LYST: variants seen among roughly 807,000 people sequenced by gnomAD.
LYST encodes the protein lysosomal trafficking regulator, also known as lysosomal-trafficking regulator.
In LYST, 192 loss-of-function variants were observed where a neutral mutation model predicts 413.6. The observed-to-expected ratio is 0.46, with a 90% CI of 0.41 to 0.52. LYST has a LOEUF of 0.52. Among genes scored for constraint, LYST ranks in the 20% least tolerant of loss-of-function variants. The pLI is 0.00. For synonymous variants in LYST, 1,525 were observed against 1,567.3 expected (o/e 0.97, Z 0.64); for missense variants, 3,815 against 4,499.9 (o/e 0.85, Z 4.35).
chr1:235,789,845 C>T (rs1209790563), intron 12 of LYST, among the ~76,000 whole-genome samples: 1 of 152,030 alleles, frequency 6.6e-6, no homozygotes. Flanking sequence ...TAGGACAAAA[C>T]CAGTGTGTAC....
intron 38 of LYST, 77 bp downstream of exon 38, chr1:235,727,999 T>A: frequency 9.7e-7 from 1 of 1,034,742 alleles, no homozygotes; most frequent in South Asian, 1.3e-5. Flanking sequence ...TTCTTCCTTC[T>A]CTCTAGTTAT....
At chr1:235,876,624 G>A (rs1255756552) in intron 1 of LYST, among the ~76,000 whole-genome samples, 1 of 152,204 alleles carries the variant, frequency 6.6e-6, no homozygotes, top group Non-Finnish European at 1.5e-5. Context: ...GTTCCTGGCA[G>A]ATCGGAATAT....
intron 2 of LYST, among the ~76,000 whole-genome samples, chr1:235,830,771 T>C (rs901152379): frequency 2.0e-5 from 3 of 152,204 alleles, no homozygotes; most frequent in Admixed American, 6.5e-5. Context: ...GTTCTTGCTT[T>C]ATATATTTTA....
At chr1:235,748,340 C>A (rs145890993) in intron 28 of LYST, among the ~76,000 whole-genome samples, 30 of 152,046 alleles carry the variant, frequency 2.0e-4, no homozygotes, top group African/African-American at 7.0e-4. Context: ...TAAAAAAATA[C>A]ATTTAAAAGT....
Position 235,854,760 on chromosome 1 carries a change from T to A in LYST, c.-98+12083A>T, listed in dbSNP as rs1202569964. 6.6e-6 allele frequency among the ~76,000 whole-genome samples: 1 copy of A among 152,186 alleles called. No homozygotes were observed. Among genetic ancestry groups the A allele is most frequent in the African/African-American group, 2.4e-5 (1 of 41,440 alleles). Reference sequence around the variant, plus strand: ...ATCATCATCACCTTGAATCTGGTCCTTCCCCCTAATCTTACACCTAAGCAT... The same window carrying A: ...ATCATCATCACCTTGAATCTGGTCCATCCCCCTAATCTTACACCTAAGCAT... On this transcript the variant is annotated intron_variant, in intron 1 of 52. Coordinates refer to ENST00000389793, the MANE Select transcript of LYST (RefSeq NM_000081.4). This position sits in a 1 kb window ranked among gnomAD's most constrained non-coding sequence, Gnocchi z 4.1.
At chr1:235,820,375 CTT>C (rs1176878134) in intron 3 of LYST, among the ~76,000 whole-genome samples, 4 of 145,208 alleles carry the variant, frequency 2.8e-5, no homozygotes, top group Non-Finnish European at 1.5e-5. Flanking sequence ...TCTTTTCTTT[CTT>C]TTTTTTTTTT....
intron 34 of LYST, among the ~76,000 whole-genome samples, chr1:235,732,392 T>G (rs930994593): frequency 7.2e-5 from 11 of 152,154 alleles, no homozygotes; most frequent in African/African-American, 2.7e-4. Context: ...AGCCTTGAAC[T>G]CCTGGGCTCA....
intron 2 of LYST, among the ~76,000 whole-genome samples, chr1:235,830,719 C>A (rs934761611): frequency 1.3e-5 from 2 of 152,042 alleles, no homozygotes; most frequent in African/African-American, 4.8e-5. Context: ...AGAAGACTTT[C>A]TTTCTTAAAT....
chr1:235,735,330 A>G (rs1033865254), intron 31 of LYST: 1 of 152,156 alleles, frequency 6.6e-6, no homozygotes, highest in Non-Finnish European at 1.5e-5. Flanking sequence ...ACTACTCCCT[A>G]GAACAAAAGG....
At chr1:235,845,767 C>T (rs1209064203) in intron 1 of LYST, among the ~76,000 whole-genome samples, 1 of 152,018 alleles carries the variant, frequency 6.6e-6, no homozygotes, top group Non-Finnish European at 1.5e-5. Flanking sequence ...AGCCATAATC[C>T]TCCTAAGTAC....
At chr1:235,762,175 G>A (rs551828726) in intron 22 of LYST, among the ~76,000 whole-genome samples, 1 of 152,250 alleles carries the variant, frequency 6.6e-6, no homozygotes, top group African/African-American at 2.4e-5. Flanking sequence ...ATGGAGCCAT[G>A]ATTGTACAGT....
intron 38 of LYST, among the ~76,000 whole-genome samples, chr1:235,727,068 T>G: frequency 6.6e-6 from 1 of 152,294 alleles, no homozygotes; most frequent in African/African-American, 2.4e-5. Flanking sequence ...ATGACTTTTT[T>G]TTTACATTTA....
In LYST at chr1:235,842,610, G is replaced by A. The variant is rs112475265; in HGVS notation, c.-97-8943C>T. On this transcript the variant is annotated intron_variant, in intron 1 of 52. Transcript: ENST00000389793. ...TCTACTCATTTGCCGAATGAATGGC[G>A]TGGCCTCTCTCTCAGGATTTTCATT... Among the ~76,000 whole-genome samples the A allele has an allele frequency of 5.5e-3, 830 of 152,268 alleles. 16 individuals are homozygous for A. The highest frequency in any genetic ancestry group is 0.018 in the African/African-American group (733 of 41,552).
chr1:235,746,260 C>T (rs192832341), intron 29 of LYST, 76 bp downstream of exon 29: 1 of 1,342,404 alleles, frequency 7.4e-7, no homozygotes, highest in East Asian at 2.3e-5. Flanking sequence ...CATCTGAAAA[C>T]CAACCAGTTT....
chr1:235,853,679 C>T (rs1004660839), intron 1 of LYST, among the ~76,000 whole-genome samples: 9 of 152,120 alleles, frequency 5.9e-5, no homozygotes, highest in African/African-American at 1.7e-4. Flanking sequence ...CATGCCATTC[C>T]GGCTGCCTTG....
intron 19 of LYST, 97 bp downstream of exon 19, chr1:235,773,745 C>A: frequency 2.2e-6 from 2 of 920,146 alleles, no homozygotes; most frequent in Non-Finnish European, 3.5e-6. Flanking sequence ...GCACTTAATG[C>A]CACTGAACTG....
chr1:235,771,035 T>C (rs906272468), intron 19 of LYST, among the ~76,000 whole-genome samples: 1 of 152,198 alleles, frequency 6.6e-6, no homozygotes, highest in African/African-American at 2.4e-5. Flanking sequence ...TGGCTTGGGT[T>C]GCAGAGCCTA....
chr1:235,858,928 C>A (rs1679535517), intron 1 of LYST, among the ~76,000 whole-genome samples: 1 of 152,146 alleles, frequency 6.6e-6, no homozygotes, highest in African/African-American at 2.4e-5. Flanking sequence ...GGCCTCTGTA[C>A]ATTTGTGATT....
intron 19 of LYST, among the ~76,000 whole-genome samples, chr1:235,770,596 G>T (rs1668570503): frequency 6.6e-6 from 1 of 152,134 alleles, no homozygotes; most frequent in African/African-American, 2.4e-5. Flanking sequence ...ATTCAAATTA[G>T]AGAAGCACAC....
Sources: gnomAD v4.1 joint callset for allele counts (sites outside exome capture counted in the v4.1 genomes callset) on GRCh38, gnomAD v4.1.1 for gene constraint, Gnocchi (gnomAD v3.1) non-coding constraint, MANE v1.5 for transcripts, NCBI Gene and HGNC (gene_info 2026-07-23, HGNC 2026-07-21) for gene names.